The following RABGAP1L variants were observed in gnomAD, a reference collection of about 807,000 sequenced individuals.
The protein encoded by RABGAP1L is rab GTPase-activating protein 1-like.
Under a neutral mutation model 137.7 loss-of-function variants are expected in RABGAP1L, and 63 were observed. The observed-to-expected ratio is 0.46, with a 90% CI of 0.37 to 0.56. The LOEUF is 0.56. Ranked by LOEUF, RABGAP1L falls within the 20% of genes least tolerant of loss-of-function variation. The probability of loss-of-function intolerance (pLI) is 0.00; values close to 1 mark genes in which losing one functional copy is unlikely to be tolerated. For synonymous variants in RABGAP1L, 431 were observed against 433.7 expected, an observed-to-expected ratio of 0.99 and a Z score of 0.08; for missense variants, 1,095 against 1,244.0, an observed-to-expected ratio of 0.88 and a Z score of 1.80.
At chr1:174,576,539 C>T (rs781442710) in intron 13 of RABGAP1L, among the ~76,000 whole-genome samples, 1 of 152,220 alleles carries the variant, frequency 6.6e-6, no homozygotes, top group Non-Finnish European at 1.5e-5. Context: ...ATTGTCTTTA[C>T]ACAATCCTGC....
chr1:174,558,134 G>A (rs920171209), intron 13 of RABGAP1L, among the ~76,000 whole-genome samples: 5 of 152,174 alleles, frequency 3.3e-5, no homozygotes, highest in African/African-American at 1.2e-4. Context: ...TAAGTCATCA[G>A]ATAAAGGCAA....
intron 19 of RABGAP1L, among the ~76,000 whole-genome samples, chr1:174,834,317 T>G (rs1297342329): frequency 6.6e-6 from 1 of 151,784 alleles, no homozygotes; most frequent in Non-Finnish European, 1.5e-5. Flanking sequence ...TCCCAGCTAC[T>G]TGGGAGGCTG....
chr1:174,875,949 T>A (rs1653035940), intron 19 of RABGAP1L, among the ~76,000 whole-genome samples: 1 of 152,106 alleles, frequency 6.6e-6, no homozygotes, highest in South Asian at 2.1e-4. Flanking sequence ...AAATATTGCA[T>A]TTTTTTGTTT....
chr1:174,786,081 C>T (rs947856177), intron 18 of RABGAP1L, among the ~76,000 whole-genome samples: 1 of 152,184 alleles, frequency 6.6e-6, no homozygotes, highest in African/African-American at 2.4e-5. Flanking sequence ...TTTTTATCTT[C>T]TCTAAATATA....
At chr1:174,597,619 G>A (rs1670064201) in intron 13 of RABGAP1L, among the ~76,000 whole-genome samples, 1 of 151,122 alleles carries the variant, frequency 6.6e-6, no homozygotes, top group African/African-American at 2.4e-5. Flanking sequence ...TCTTCCTACA[G>A]GTTTGTTGAT....
intron 13 of RABGAP1L, among the ~76,000 whole-genome samples, chr1:174,459,386 T>C (rs936132593): frequency 1.3e-5 from 2 of 152,114 alleles, no homozygotes; most frequent in African/African-American, 4.8e-5. Context: ...CGGAGTCTGT[T>C]AGAATAAAAG....
In RABGAP1L at chr1:174,940,475, G is replaced by C. The variant is rs370729835; in HGVS notation, c.2341-16982G>C. 4.0e-5 allele frequency among the ~76,000 whole-genome samples: 6 copies of C among 151,842 alleles called. No individual in the cohort carries two copies. In the South Asian group the frequency reaches 1.2e-3, roughly 32 times the overall value. On this transcript the variant is annotated intron_variant, in intron 19 of 25. Transcript: ENST00000681986. ...AAATTTTTTGTAGAGATGGGGTCTC[G>C]CTTTGTTGCCCAGGCTGGTCTTGAA...
intron 19 of RABGAP1L, among the ~76,000 whole-genome samples, chr1:174,921,846 C>G (rs1348729353): frequency 6.6e-6 from 1 of 152,120 alleles, no homozygotes; most frequent in Non-Finnish European, 1.5e-5. Flanking sequence ...ATTTTTGAAT[C>G]CTCTTTAGTT....
intron 13 of RABGAP1L, among the ~76,000 whole-genome samples, chr1:174,609,532 A>G (rs929702223): frequency 6.6e-6 from 1 of 152,154 alleles, no homozygotes; most frequent in African/African-American, 2.4e-5. Context: ...TTTCTGTCTC[A>G]TATGGTATTA....
intron 18 of RABGAP1L, among the ~76,000 whole-genome samples, chr1:174,781,693 G>C (rs1265275722): frequency 4.6e-5 from 7 of 152,092 alleles, no homozygotes; most frequent in Non-Finnish European, 7.3e-5. Flanking sequence ...GGTTTTTATG[G>C]TTTTAGGTCT....
chr1:174,745,397 T>G (rs1409074261), intron 17 of RABGAP1L, among the ~76,000 whole-genome samples: 1 of 152,192 alleles, frequency 6.6e-6, no homozygotes, highest in African/African-American at 2.4e-5. Flanking sequence ...CTGCCCAGGT[T>G]GAAATGAGAG....
At chr1:174,292,237 C>T (rs752664160) in intron 10 of RABGAP1L, among the ~76,000 whole-genome samples, 1 of 148,810 alleles carries the variant, frequency 6.7e-6, no homozygotes, top group South Asian at 2.1e-4. Flanking sequence ...TGCTATGTTG[C>T]TCAGGCTGGT....
chr1:174,680,329 A>T (rs1403829810), intron 14 of RABGAP1L, among the ~76,000 whole-genome samples: 1 of 152,212 alleles, frequency 6.6e-6, no homozygotes, highest in African/African-American at 2.4e-5. Flanking sequence ...CTTTAATAAA[A>T]GAGGCCGGAA....
chr1:174,511,683 C>T (rs575405369), intron 13 of RABGAP1L, among the ~76,000 whole-genome samples: 1 of 150,672 alleles, frequency 6.6e-6, no homozygotes, highest in Non-Finnish European at 1.5e-5. Context: ...AGCGCAATGG[C>T]GTGATCTTGG....
At chr1:174,436,712 A>G (rs964403666) in intron 13 of RABGAP1L, among the ~76,000 whole-genome samples, 1 of 152,122 alleles carries the variant, frequency 6.6e-6, no homozygotes, top group African/African-American at 2.4e-5. Context: ...TTGGTGTTTT[A>G]GACATGAAGT....
intron 13 of RABGAP1L, among the ~76,000 whole-genome samples, chr1:174,614,080 G>A (rs1203589595): frequency 1.3e-5 from 2 of 152,148 alleles, no homozygotes; most frequent in African/African-American, 2.4e-5. Flanking sequence ...ATTGTTATGT[G>A]TGAATTTGAT....
chr1:174,831,071 T>A (rs1021758160), intron 19 of RABGAP1L, among the ~76,000 whole-genome samples: 1 of 148,136 alleles, frequency 6.8e-6, no homozygotes, highest in African/African-American at 2.5e-5. Context: ...TTTTGTTTAT[T>A]TAATTTTATT....
Position 174,993,384 on chromosome 1 carries a change from A to G in RABGAP1L, c.*3383A>G, listed in dbSNP as rs1052385922. On this transcript the variant is annotated 3_prime_UTR_variant, in exon 26 of 26. Coordinates refer to ENST00000681986, the MANE Select transcript of RABGAP1L (RefSeq NM_001366446.1). ...TTGTATGGATGTGGGGATATTTAAT[A>G]GTATGTATCTTGTTTCATTTTTTTC... 3 of 151,654 alleles carry G rather than the reference A, an allele frequency of 2.0e-5. No homozygotes were observed. The highest frequency in any genetic ancestry group is 4.4e-5 in the Non-Finnish European group (3 of 68,032). The allele number at this position is 151,654 out of a possible 1,614,324, so 9.4% of individuals were successfully genotyped here. A position where few individuals can be genotyped will look rare whatever the true frequency, so the allele number is the denominator to read the frequency against.
chr1:174,362,714 C>T (rs925426821), intron 11 of RABGAP1L, among the ~76,000 whole-genome samples: 2 of 152,154 alleles, frequency 1.3e-5, no homozygotes, highest in Non-Finnish European at 2.9e-5. Context: ...AATGTTCTCC[C>T]ATTCTGTAAA....
Sources: gnomAD v4.1 joint callset for allele counts (sites outside exome capture counted in the v4.1 genomes callset) on GRCh38, gnomAD v4.1.1 for gene constraint, MANE v1.5 for transcripts, NCBI Gene and HGNC (gene_info 2026-07-23, HGNC 2026-07-21) for gene names.